Variants in CCDC137 observed in about 807,000 individuals in gnomAD.
CCDC137 encodes the protein coiled-coil domain-containing protein 137.
Under a neutral mutation model 30.4 loss-of-function variants are expected in CCDC137, and 24 were observed. The observed-to-expected ratio is 0.79, with a 90% CI of 0.57 to 1.11. The LOEUF is 1.11. CCDC137 is among the 50% of genes least tolerant of loss of function. CCDC137 has a pLI of 0.00. For missense variants in CCDC137, 417 were observed against 380.4 expected, an observed-to-expected ratio of 1.10 and a Z score of -0.80; for synonymous variants, 182 against 155.7, an observed-to-expected ratio of 1.17 and a Z score of -1.26.
intron 2 of CCDC137, among the ~76,000 whole-genome samples, chr17:81,669,517 G>A (rs933230277): frequency 2.0e-5 from 3 of 152,060 alleles, no homozygotes; most frequent in African/African-American, 4.8e-5. Context: ...TTCTACACTC[G>A]CCCGGGGTCC....
Position 81,670,446 on chromosome 17 carries a change from A to G in CCDC137, c.490A>G (p.Lys164Glu). The G allele has an allele frequency of 1.2e-6, 2 of 1,612,970 alleles. No individual in the cohort carries two copies. Among genetic ancestry groups the G allele is most frequent in the Non-Finnish European group, 1.7e-6 (2 of 1,179,844 alleles). The change falls in exon 3 of 6, where the codon AAA becomes GAA. Residue 164 changes from lysine (K) to glutamate (E), a missense_variant. Coordinates refer to ENST00000329214, the MANE Select transcript of CCDC137 (RefSeq NM_199287.3). ...GGAGAAGTCTGAGCAGAAAAAAGCA[A>G]AAAAAGCGTGAGTGGAGGCGGGAGG... ...PKEKSEQKKA[K>E]KAFQKRRLDK...
intron 4 of CCDC137, 83 bp from the exon 5 acceptor site, chr17:81,671,993 G>A (rs1467281180): frequency 2.6e-6 from 4 of 1,526,174 alleles, no homozygotes; most frequent in Middle Eastern, 3.4e-4. Context: ...CCCTATGGGA[G>A]GGAGGTGGGC....
Position 81,672,916 on chromosome 17 carries a change from C to T in CCDC137, c.*212C>T. 1.7e-6 allele frequency: 1 copy of T among 577,116 alleles called. No individual in the cohort carries two copies. The highest frequency in any genetic ancestry group is 3.1e-6 in the Non-Finnish European group (1 of 327,114). 35.7% of individuals were successfully genotyped at this position (577,116 alleles called of 1,614,324 possible). ...CCTGGTTGACAGACGGCCCGTGGGG[C>T]CCGGTGTCACTCACAGCTCCATCTC... On this transcript the variant is annotated 3_prime_UTR_variant, in exon 6 of 6. Transcript: ENST00000329214.
chr17:81,670,988 C>T (rs776547028), intron 3 of CCDC137, among the ~76,000 whole-genome samples: 32 of 152,012 alleles, frequency 2.1e-4, no homozygotes, highest in Middle Eastern at 3.4e-3. Flanking sequence ...AAAAATTAGC[C>T]GGGCGTGGTG....
At chr17:81,667,041 C>T in intron 1 of CCDC137, 141 bp downstream of exon 1, 1 of 886,982 alleles carries the variant, frequency 1.1e-6, no homozygotes, top group Non-Finnish European at 1.5e-6. Flanking sequence ...TCTGTGCCCG[C>T]GGCCCACGCT....
chr17:81,671,475 G>A lies in CCDC137; in HGVS notation c.498-269G>A, dbSNP rs1176516910. ...GCCAGTAGCCCTTGCCCACGTGTCT[G>A]CACACATTGTCAGATGTTCCCTGGC... On this transcript the variant is annotated intron_variant, in intron 3 of 5. Coordinates refer to ENST00000329214, the MANE Select transcript of CCDC137 (RefSeq NM_199287.3). 4 of 491,922 alleles carry A rather than the reference G, an allele frequency of 8.1e-6. No individual in the cohort carries two copies. The Admixed American group carries it at 1.3e-4, about 16-fold the overall frequency. 30.5% of individuals were successfully genotyped at this position (491,922 alleles called of 1,614,324 possible).
chr17:81,672,715 C>T lies in CCDC137; in HGVS notation c.*11C>T, dbSNP rs759237684. On this transcript the variant is annotated 3_prime_UTR_variant, in exon 6 of 6. Coordinates refer to ENST00000329214, the MANE Select transcript of CCDC137 (RefSeq NM_199287.3). ...GAGCCGCAGCTGTGATGGAGAGACA[C>T]CCGGGGCCTGGCCACGCTCTGGGGC... The T allele has an allele frequency of 1.9e-6, 3 of 1,557,972 alleles. No homozygotes were observed. The highest frequency in any genetic ancestry group is 1.7e-6 in the Non-Finnish European group (2 of 1,150,496).
chr17:81,670,480 TCTGC>T (rs766996668), intron 3 of CCDC137, 27 bp downstream of exon 3: 1 of 1,503,238 alleles, frequency 6.7e-7, no homozygotes, highest in African/African-American at 1.4e-5. Context: ...GGGGGAGGGG[TCTGC>T]CCTGGGAGCC....
intron 2 of CCDC137, 94 bp from the exon 3 acceptor site, chr17:81,670,131 C>T: frequency 1.0e-6 from 1 of 970,146 alleles, no homozygotes; most frequent in Non-Finnish European, 1.5e-6. Context: ...GCCTGGTCTT[C>T]CCTTCCTGTG....
intron 4 of CCDC137, 49 bp from the exon 5 acceptor site, chr17:81,672,027 G>A (rs2036724731): frequency 6.3e-7 from 1 of 1,599,164 alleles, no homozygotes; most frequent in Non-Finnish European, 8.6e-7. Context: ...GGGTGTCAGG[G>A]GTGCAGTGGC....
Position 81,667,782 on chromosome 17 carries a change from T to C in CCDC137, c.188T>C (p.Ile63Thr). ...CKPKNQDEQE[I>T]PFRLREIMRS... is the part of the protein sequence containing the mutation. Reference sequence around the variant, plus strand: ...CCCAAGAACCAGGACGAACAGGAGATTCCTTTCCGGCTCCGGGAGATTATG... The same window carrying C: ...CCCAAGAACCAGGACGAACAGGAGACTCCTTTCCGGCTCCGGGAGATTATG... The change falls in exon 2 of 6, where the codon ATT (isoleucine) becomes ACT (threonine). Residue 63 changes from isoleucine to threonine, a missense_variant. Coordinates refer to ENST00000329214, the MANE Select transcript of CCDC137 (RefSeq NM_199287.3). 6.2e-7 allele frequency: 1 copy of C among 1,613,334 alleles called. No individual in the cohort carries two copies. The highest frequency in any genetic ancestry group is 8.5e-7 in the Non-Finnish European group (1 of 1,179,974).
rs749149362 is a variant in CCDC137, at chr17:81,672,536, C to T, written c.702C>T (p.Pro234=). 6.4e-6 allele frequency: 10 copies of T among 1,567,700 alleles called. No individual in the cohort carries two copies. Among genetic ancestry groups the T allele is most frequent in the Admixed American group, 3.8e-5 (2 of 53,034 alleles). ...AGATGCTGCGGATGCTTCTGAGCCC[C>T]GGTGGTGTGTCCCAGCCTCTGACCG... ...RSQMLRMLLS[P]GGVSQPLTAS... Residue 234 remains proline, a synonymous_variant, in exon 6 of 6, where the codon CCC becomes CCT. Coordinates refer to ENST00000329214, the MANE Select transcript of CCDC137 (RefSeq NM_199287.3).
At chr17:81,668,436 A>T (rs986089656) in intron 2 of CCDC137, among the ~76,000 whole-genome samples, 5 of 151,774 alleles carry the variant, frequency 3.3e-5, no homozygotes, top group African/African-American at 1.2e-4. Context: ...CAGAGGTAAC[A>T]CTCTGGGCAT....
At chr17:81,672,411 C>G (rs1057478132) in intron 5 of CCDC137, 84 bp from the exon 6 acceptor site, 2 of 1,319,610 alleles carry the variant, frequency 1.5e-6, no homozygotes, top group Non-Finnish European at 2.1e-6. Context: ...TTCTCGCTGG[C>G]GGGAGAGCTG....
chr17:81,666,943 A>G, intron 1 of CCDC137, 43 bp downstream of exon 1: 39 of 1,244,202 alleles, frequency 3.1e-5, no homozygotes, highest in Non-Finnish European at 3.9e-5. Flanking sequence ...TCCCCAGAGA[A>G]GGGGACGCCT....
intron 3 of CCDC137, among the ~76,000 whole-genome samples, chr17:81,671,259 G>A (rs751997732): frequency 5.3e-5 from 8 of 152,168 alleles, no homozygotes; most frequent in African/African-American, 9.7e-5. Flanking sequence ...CACAGAGAAC[G>A]TGGCCCAGAT....
intron 1 of CCDC137, among the ~76,000 whole-genome samples, chr17:81,667,325 T>TC (rs1445495766): frequency 6.7e-6 from 1 of 149,202 alleles, no homozygotes. Context: ...GATTCTTTTT[T>TC]TTTTTTTTTT....
In CCDC137 at chr17:81,666,851, G is replaced by T; in HGVS notation, c.85G>T (p.Val29Leu). The change falls in exon 1 of 6, where the codon GTG becomes TTG. Residue 29 changes from valine (V) to leucine (L), a missense_variant. Val to Leu is a conservative substitution (Grantham distance 32). Transcript: ENST00000329214. ...CCGGCGAGCGCGGGGGCGGCAGCAA[G>T]TGCAGCCGCTGGGGAAGCAGCGCCC... ...SPRRARGRQQ[V>L]QPLGKQRPAP... The T allele has an allele frequency of 7.5e-7, 1 of 1,328,664 alleles. No homozygotes were observed. The highest frequency in any genetic ancestry group is 3.0e-5 in the East Asian group (1 of 33,040). The allele number at this position is 1,328,664 out of a possible 1,614,324, so 82.3% of individuals were successfully genotyped here. A position where few individuals can be genotyped will look rare whatever the true frequency, so the allele number is the denominator to read the frequency against.
intron 2 of CCDC137, chr17:81,669,962 TA>T (rs1421673289): frequency 1.1e-5 from 5 of 475,320 alleles, no homozygotes; most frequent in Admixed American, 3.7e-5. Flanking sequence ...ACCAGCCACC[TA>T]GGGGTGGACA....
Sources: allele counts gnomAD v4.1 joint callset (sites outside exome capture counted in the v4.1 genomes callset), GRCh38; gene constraint gnomAD v4.1.1; transcripts MANE v1.5; gene names NCBI Gene and HGNC (gene_info 2026-07-23, HGNC 2026-07-21).